The following SNX29 variants were observed in gnomAD, a reference collection of about 807,000 sequenced individuals.
SNX29 encodes sorting nexin-29.
A neutral mutation model predicts 102.1 loss-of-function variants in SNX29; 78 were observed. That is an observed-to-expected ratio of 0.76 (90% CI 0.64 to 0.92). SNX29 has a LOEUF of 0.92. SNX29 is among the 40% of genes least tolerant of loss of function. SNX29 has a pLI of 0.00. For missense variants in SNX29, 1,280 were observed against 1,061.7 expected, an observed-to-expected ratio of 1.21 and a Z score of -2.86; for synonymous variants, 580 against 414.5, an observed-to-expected ratio of 1.40 and a Z score of -4.85.
intron 11 of SNX29, among the ~76,000 whole-genome samples, chr16:12,104,180 T>C (rs1416220196): frequency 6.6e-6 from 1 of 152,168 alleles, no homozygotes; most frequent in Non-Finnish European, 1.5e-5. Flanking sequence ...TGCTTGTGGG[T>C]ACTGAGCTGC....
At chr16:12,518,845 C>T (rs1421995773) in intron 19 of SNX29, among the ~76,000 whole-genome samples, 2 of 152,262 alleles carry the variant, frequency 1.3e-5, no homozygotes, top group South Asian at 2.1e-4. Context: ...CGCTGCATTC[C>T]CACAGAGCCG....
At chr16:12,197,052 C>A (rs998157082) in intron 13 of SNX29, among the ~76,000 whole-genome samples, 1 of 152,180 alleles carries the variant, frequency 6.6e-6, no homozygotes, top group Non-Finnish European at 1.5e-5. Flanking sequence ...AGGATCGGCC[C>A]GACGGCTGGC....
At chr16:12,150,992 C>A (rs534499379) in intron 13 of SNX29, among the ~76,000 whole-genome samples, 1 of 152,314 alleles carries the variant, frequency 6.6e-6, no homozygotes, top group East Asian at 1.9e-4. Flanking sequence ...TACCTTTCCC[C>A]TGTCTGCTGT....
intron 15 of SNX29, among the ~76,000 whole-genome samples, chr16:12,309,921 G>A (rs1304238455): frequency 5.9e-5 from 9 of 152,146 alleles, no homozygotes; most frequent in Non-Finnish European, 7.3e-5. Context: ...AGCTTGGTGC[G>A]AGTTTGTATT....
At chr16:12,129,380 G>C (rs1404458924) in intron 12 of SNX29, among the ~76,000 whole-genome samples, 3 of 152,226 alleles carry the variant, frequency 2.0e-5, no homozygotes, top group African/African-American at 7.2e-5. Flanking sequence ...CTGTCAGAAG[G>C]CTGGCCTGCT....
chr16:12,571,948 G>C lies in SNX29; in HGVS notation c.*3319G>C, dbSNP rs1431090988. ...GGTGAAGGAAGACACTTTCAGGGAA[G>C]AGGCTCTTACAGTCTATGGTGGTAG... On this transcript the variant is annotated 3_prime_UTR_variant, in exon 21 of 21. Transcript: ENST00000566228. 2.8e-6 allele frequency: 3 copies of C among 1,061,956 alleles called. No individual in the cohort carries two copies. The highest frequency in any genetic ancestry group is 4.6e-5 in the South Asian group (1 of 21,948). The allele number at this position is 1,061,956 out of a possible 1,614,324, so 65.8% of individuals were successfully genotyped here.
chr16:12,222,080 G>A (rs1193552729), intron 14 of SNX29, among the ~76,000 whole-genome samples: 1 of 152,232 alleles, frequency 6.6e-6, no homozygotes, highest in Non-Finnish European at 1.5e-5. Context: ...TTGAAGATCT[G>A]TACATTGACT....
chr16:12,352,633 C>A (rs1205642616), intron 15 of SNX29, among the ~76,000 whole-genome samples: 1 of 152,238 alleles, frequency 6.6e-6, no homozygotes, highest in Non-Finnish European at 1.5e-5. Flanking sequence ...CTTTGCACCT[C>A]GTTAACTGAT....
intron 4 of SNX29, among the ~76,000 whole-genome samples, chr16:12,034,614 G>C (rs1436624107): frequency 6.6e-6 from 1 of 152,166 alleles, no homozygotes; most frequent in Non-Finnish European, 1.5e-5. Flanking sequence ...TGGGCCAGTG[G>C]CTATTTACTA....
At chr16:12,524,892 T>C in intron 20 of SNX29, 51 bp downstream of exon 20, 6 of 1,594,786 alleles carry the variant, frequency 3.8e-6, no homozygotes, top group East Asian at 2.2e-5. Context: ...AGCATTTTTT[T>C]CTCGGTCGTT....
At position 12,501,724 on chromosome 16, in the gene SNX29, C is replaced by CAAA. The variant is rs59431064; in HGVS notation, c.2179-22953_2179-22951dup. Among the ~76,000 whole-genome samples the CAAA allele has an allele frequency of 1.8e-3, 82 of 44,918 alleles. 5 individuals are homozygous for CAAA. Among genetic ancestry groups the CAAA allele is most frequent in the Middle Eastern group, 0.017 (1 of 60 alleles). The allele number at this position is 44,918 out of a possible 152,430, so 29.5% of individuals were successfully genotyped here. A position where few individuals can be genotyped will look rare whatever the true frequency, so the allele number is the denominator to read the frequency against. ...TGGGTGGCAGAGCAAGACACTGTCT[C>CAAA]AAAAAAAAAAAAAAAAAAAAAAAAA... is the stretch of plus-strand genomic sequence containing the variant. On this transcript the variant is annotated intron_variant, in intron 19 of 20. Transcript: ENST00000566228.
chr16:12,480,845 T>C (rs1379252696), intron 19 of SNX29, among the ~76,000 whole-genome samples: 2 of 152,228 alleles, frequency 1.3e-5, no homozygotes, highest in African/African-American at 4.8e-5. Flanking sequence ...GGGTCTCTGC[T>C]GTGCAGGAGC....
chr16:12,227,658 G>A (rs2077651263), intron 14 of SNX29, among the ~76,000 whole-genome samples: 1 of 152,094 alleles, frequency 6.6e-6, no homozygotes, highest in African/African-American at 2.4e-5. Context: ...CCAGCACTTT[G>A]GCGGGCTGAG....
At position 12,568,494 on chromosome 16, in the gene SNX29, C is replaced by G. The variant is rs763848609; in HGVS notation, c.2319-12C>G. On this transcript the variant is annotated splice_polypyrimidine_tract_variant and intron_variant, in intron 20 of 20. Coordinates refer to ENST00000566228, the MANE Select transcript of SNX29 (RefSeq NM_032167.5). ...CCCCAGACTTAACCCGATTCTCTCC[C>G]TGCTCTTTCAGCGACATCACCCCGC... 5 of 1,609,280 alleles carry G rather than the reference C, an allele frequency of 3.1e-6. No homozygotes were observed. The South Asian group carries it at 3.3e-5, about 11-fold the overall frequency.
intron 11 of SNX29, chr16:12,095,147 C>T (rs1481842872): frequency 1.3e-5 from 2 of 152,206 alleles, no homozygotes; most frequent in African/African-American, 4.8e-5. Context: ...AACCAGCTCA[C>T]TGGTACTACT....
chr16:12,427,684 C>A (rs1288979083), intron 18 of SNX29, among the ~76,000 whole-genome samples: 1 of 152,156 alleles, frequency 6.6e-6, no homozygotes, highest in Non-Finnish European at 1.5e-5. Context: ...ACAGGCTGAA[C>A]CCCAAGAGGA....
chr16:12,108,038 A>G (rs908121933), intron 11 of SNX29, among the ~76,000 whole-genome samples: 12 of 152,200 alleles, frequency 7.9e-5, no homozygotes, highest in African/African-American at 2.9e-4. Context: ...GGAAAGGTCC[A>G]TGTTGAACCA....
At chr16:12,046,190 A>C (rs1232080163) in intron 5 of SNX29, among the ~76,000 whole-genome samples, 194 bp from the exon 6 acceptor site, 1 of 152,156 alleles carries the variant, frequency 6.6e-6, no homozygotes, top group African/African-American at 2.4e-5. Flanking sequence ...CCAGTGAGGA[A>C]GTTGTAGGAT....
chr16:12,380,181 C>G (rs1170822187), intron 16 of SNX29, among the ~76,000 whole-genome samples: 1 of 151,982 alleles, frequency 6.6e-6, no homozygotes, highest in Non-Finnish European at 1.5e-5. Context: ...TCAGAATGAC[C>G]TTGGTCTCGG....
Sources: allele counts gnomAD v4.1 joint callset (sites outside exome capture counted in the v4.1 genomes callset), GRCh38; gene constraint gnomAD v4.1.1; transcripts MANE v1.5; gene names NCBI Gene and HGNC (gene_info 2026-07-23, HGNC 2026-07-21).